Variants in FRYL observed in about 807,000 individuals in gnomAD.
FRYL encodes FRY like transcription coactivator, also known as protein furry homolog-like.
A neutral mutation model predicts 351.2 loss-of-function variants in FRYL; 150 were observed. The ratio of observed to expected loss-of-function variants is 0.43; its 90% confidence interval spans 0.37 to 0.49. FRYL has a LOEUF of 0.49. Ranked by LOEUF, FRYL falls within the 20% of genes least tolerant of loss-of-function variation. The pLI, the probability that FRYL is intolerant of heterozygous loss-of-function variation, is 0.00. For synonymous variants in FRYL, 1,153 were observed against 1,257.1 expected (o/e 0.92, Z 1.75); for missense variants, 3,036 against 3,619.3 (o/e 0.84, Z 4.13).
rs77880476 is a variant in FRYL, at chr4:48,720,953, A to G, written c.-383-10255T>C. 1.6e-3 allele frequency among the ~76,000 whole-genome samples: 240 copies of G among 152,342 alleles called. 5 individuals are homozygous for G. In the East Asian group the frequency reaches 0.042, roughly 27 times the overall value. On this transcript the variant is annotated intron_variant, in intron 1 of 63. Coordinates refer to ENST00000358350, the MANE Select transcript of FRYL (RefSeq NM_015030.2). ...GGGAAAGGGAAAATAGCAGTACTTG[A>G]TAATTAGGTATGTTGCCAGTTACTC... is the stretch of plus-strand genomic sequence containing the variant.
chr4:48,609,042 C>T lies in FRYL; in HGVS notation c.517G>A (p.Val173Met), dbSNP rs1247264868. The change falls in exon 9 of 64, where the codon GTG (valine) becomes ATG (methionine). Residue 173 changes from valine to methionine, a missense_variant. Val to Met is a conservative substitution (Grantham distance 21). Around this residue, in one of 7 missense-constraint regions of FRYL, gnomAD observed 457 missense variants for 566.6 expected, o/e 0.81. Coordinates refer to ENST00000358350, the MANE Select transcript of FRYL (RefSeq NM_015030.2). Reference protein sequence around the residue: ...EGYSGTNTGNVHIIADLYAEV... With the variant: ...EGYSGTNTGNMHIIADLYAEV... ...GCATATAAATCAGCAATAATATGCA[C>T]ATTCCCAGTGTTGGTTCCTGAATAT... The T allele has an allele frequency of 6.2e-7, 1 of 1,606,420 alleles. No homozygotes were observed. The highest frequency in any genetic ancestry group is 8.5e-7 in the Non-Finnish European group (1 of 1,173,596).
intron 3 of FRYL, among the ~76,000 whole-genome samples, chr4:48,668,288 G>T (rs927407856): frequency 1.3e-5 from 2 of 151,388 alleles, no homozygotes; most frequent in African/African-American, 2.4e-5. Context: ...ATTTGAGGTG[G>T]TTTTTTTGTT....
chr4:48,527,783 A>C, intron 52 of FRYL, 130 bp from the exon 53 acceptor site: 1 of 1,055,650 alleles, frequency 9.5e-7, no homozygotes, highest in African/African-American at 1.6e-5. Flanking sequence ...TTTGGTCTTC[A>C]TGTTTAACTA....
intron 2 of FRYL, 88 bp downstream of exon 2, chr4:48,710,431 T>A (rs1767877028): frequency 5.0e-6 from 2 of 398,062 alleles, no homozygotes; most frequent in South Asian, 2.6e-4. Context: ...TAGATTTGAT[T>A]TAGAAAAATC....
intron 4 of FRYL, among the ~76,000 whole-genome samples, chr4:48,632,131 C>T (rs1454774283): frequency 8.2e-5 from 7 of 85,776 alleles, no homozygotes; most frequent in South Asian, 4.3e-4. Flanking sequence ...TATATATATG[C>T]GCACACAAAA....
intron 4 of FRYL, among the ~76,000 whole-genome samples, chr4:48,632,129 T>TATATATGC (rs1287765191): frequency 1.8e-5 from 2 of 108,688 alleles, no homozygotes; most frequent in African/African-American, 7.2e-5. Context: ...TATATATATA[T>TATATATGC]GCGCACACAA....
chr4:48,524,995 A>G (rs1725699849), intron 53 of FRYL, among the ~76,000 whole-genome samples: 1 of 149,090 alleles, frequency 6.7e-6, no homozygotes, highest in African/African-American at 2.5e-5. Context: ...AGTCTGTTCT[A>G]TTTCCTACAA....
At chr4:48,779,956 T>G (rs1243717762) in intron 1 of FRYL, 122 bp downstream of exon 1, 1 of 151,606 alleles carries the variant, frequency 6.6e-6, no homozygotes, top group Non-Finnish European at 1.5e-5. Flanking sequence ...GAAGGACAGC[T>G]GGCGAGGGCC....
intron 2 of FRYL, among the ~76,000 whole-genome samples, chr4:48,687,716 CA>C (rs1260959362): frequency 6.6e-6 from 1 of 152,018 alleles, no homozygotes; most frequent in Non-Finnish European, 1.5e-5. Context: ...ACAACAATCC[CA>C]AGCAAATAGA....
chr4:48,755,744 G>A (rs753011755), intron 1 of FRYL, among the ~76,000 whole-genome samples: 10 of 151,732 alleles, frequency 6.6e-5, no homozygotes, highest in African/African-American at 9.7e-5. Flanking sequence ...ATCATACTAG[G>A]CTTCAAAACA....
At position 48,743,493 on chromosome 4, in the gene FRYL, T is replaced by C. The variant is rs551509223; in HGVS notation, c.-383-32795A>G. Among the ~76,000 whole-genome samples, 246 of 152,300 alleles carry C rather than the reference T, an allele frequency of 1.6e-3. 1 individual carries two copies. Among genetic ancestry groups the C allele is most frequent in the Non-Finnish European group, 2.6e-3 (175 of 68,024 alleles). On this transcript the variant is annotated intron_variant, in intron 1 of 63. Transcript: ENST00000358350. The stretch of plus-strand genomic sequence containing the variant: ...CAGCCCAGAAATGTTTGCCCATGGA[T>C]AAAGCTCTCACTGGTAATACCAAGA...
intron 3 of FRYL, among the ~76,000 whole-genome samples, chr4:48,681,742 A>G (rs1312099651): frequency 2.0e-5 from 3 of 152,192 alleles, no homozygotes; most frequent in Non-Finnish European, 4.4e-5. Context: ...TGAAAACTTC[A>G]GCATGAATAA....
At chr4:48,634,176 C>T in intron 4 of FRYL, 115 bp downstream of exon 4, 1 of 784,118 alleles carries the variant, frequency 1.3e-6, no homozygotes, top group East Asian at 2.6e-5. Flanking sequence ...TTCTACATCA[C>T]CACTATCCCT....
At chr4:48,615,270 G>A (rs1749189839) in intron 7 of FRYL, among the ~76,000 whole-genome samples, 1 of 152,162 alleles carries the variant, frequency 6.6e-6, no homozygotes, top group South Asian at 2.1e-4. Flanking sequence ...AGAATGACAA[G>A]TCACCTCCCA....
intron 63 of FRYL, 117 bp downstream of exon 63, chr4:48,499,913 A>G: frequency 1.2e-6 from 1 of 831,956 alleles, no homozygotes; most frequent in Non-Finnish European, 1.9e-6. Flanking sequence ...AAAAATACTC[A>G]TGTTTTTCTT....
intron 2 of FRYL, among the ~76,000 whole-genome samples, chr4:48,700,533 T>C (rs919954882): frequency 1.3e-5 from 2 of 152,104 alleles, no homozygotes; most frequent in African/African-American, 4.8e-5. Context: ...CTAGACACAG[T>C]GGTCACGCCT....
At chr4:48,535,923 G>C in intron 47 of FRYL, 96 bp from the exon 48 acceptor site, 2 of 1,009,042 alleles carry the variant, frequency 2.0e-6, no homozygotes, top group Non-Finnish European at 2.7e-6. Flanking sequence ...AAATAATTTA[G>C]ATGTATATTG....
intron 3 of FRYL, among the ~76,000 whole-genome samples, chr4:48,670,939 T>A (rs1762553430): frequency 6.6e-6 from 1 of 152,200 alleles, no homozygotes; most frequent in Non-Finnish European, 1.5e-5. Flanking sequence ...ATATACTGAT[T>A]TCCTTTCTTT....
chr4:48,774,128 G>A (rs1213800894), intron 1 of FRYL, among the ~76,000 whole-genome samples: 1 of 152,106 alleles, frequency 6.6e-6, no homozygotes, highest in Non-Finnish European at 1.5e-5. Context: ...ATCAGTGGTT[G>A]CCTAGGGCTG....
Sources: gnomAD v4.1 joint callset for allele counts (sites outside exome capture counted in the v4.1 genomes callset) on GRCh38, gnomAD v4.1.1 for gene constraint, gnomAD v4.1.1 regional missense constraint, MANE v1.5 for transcripts, NCBI Gene and HGNC (gene_info 2026-07-23, HGNC 2026-07-21) for gene names.